The following CA14 variants were observed in gnomAD, a reference collection of about 807,000 sequenced individuals.
CA14 encodes the protein CA-XIV.
CA14 carries 44 observed loss-of-function variants against 48.8 expected under a neutral mutation model. That is an observed-to-expected ratio of 0.90 (90% CI 0.71 to 1.16). CA14 has a LOEUF of 1.16. CA14 is among the 50% of genes most tolerant of loss of function. The pLI, the probability that CA14 is intolerant of heterozygous loss-of-function variation, is 0.00. For missense variants in CA14, 386 were observed against 401.0 expected (o/e 0.96, Z 0.32); for synonymous variants, 154 against 155.0 (o/e 0.99, Z 0.05).
Position 150,260,169 on chromosome 1 carries a change from A to C in CA14, c.74A>C (p.Glu25Ala). The change falls in exon 2 of 11, where the codon GAG becomes GCG. Residue 25 changes from glutamate (E) to alanine (A), a missense_variant and splice_region_variant. Physicochemically the swap from Glu to Ala is moderately radical, Grantham distance 107 (BLOSUM62 -1). Coordinates refer to ENST00000369111, the MANE Select transcript of CA14 (RefSeq NM_012113.3). Reference sequence around the variant, plus strand: ...CTTGCAGGTCAACACTGGACGTATGAGGGTGAGCAGATCTCAAGGCCTCCC... The same window carrying C: ...CTTGCAGGTCAACACTGGACGTATGCGGGTGAGCAGATCTCAAGGCCTCCC... Reference protein sequence around the residue: ...AADGGQHWTYEGPHGQDHWPA... With the variant: ...AADGGQHWTYAGPHGQDHWPA... The C allele has an allele frequency of 6.2e-7, 1 of 1,613,906 alleles. No homozygotes were observed. Among genetic ancestry groups the C allele is most frequent in the African/African-American group, 1.3e-5 (1 of 75,036 alleles).
Position 150,263,368 on chromosome 1 carries a change from C to T in CA14, c.790C>T (p.Arg264Ter), listed in dbSNP as rs587602115. 2.8e-5 allele frequency: 45 copies of T among 1,614,170 alleles called. 1 individual carries two copies. The highest frequency in any genetic ancestry group is 1.2e-4 in the South Asian group (11 of 91,072). ...EPSKLLVQNY[R>*]ALQPLNQRMV... ...CTCTAAGCTTCTGGTACAGAACTAC[C>T]GAGCCCTTCAGCCTCTCAATCAGCG... is the stretch of plus-strand genomic sequence containing the variant. Residue 264 changes from arginine (R) to a stop codon, truncating the protein, a stop_gained, in exon 8 of 11, where the codon CGA becomes TGA. Transcript: ENST00000369111. LOFTEE classifies it high-confidence loss of function.
rs1454009588 is a variant in CA14 at position 150,262,149 on chromosome 1, T to G, written c.257-9T>G. 3 of 1,614,010 alleles carry G rather than the reference T, an allele frequency of 1.9e-6. No individual in the cohort carries two copies. Among genetic ancestry groups the G allele is most frequent in the Non-Finnish European group, 2.5e-6 (3 of 1,180,010 alleles). On this transcript the variant is annotated splice_polypyrimidine_tract_variant and intron_variant, in intron 3 of 10. Coordinates refer to ENST00000369111, the MANE Select transcript of CA14 (RefSeq NM_012113.3). ...CTCCACCAATCCGAGTTTGCTCTTTTCCTCACAGTGCAACTCTCTCTGCCC... is the reference window on the plus strand; with the variant it reads ...CTCCACCAATCCGAGTTTGCTCTTTGCCTCACAGTGCAACTCTCTCTGCCC...
rs111327001 is a variant in CA14, at chr1:150,258,058, C to T, written c.-71C>T. ...TCTCTCTCTCTCTCACTCCTCCCTC[C>T]CTCTCTCTCTGCCTGTCCTAGTCCT... On this transcript the variant is annotated 5_prime_UTR_variant, in exon 1 of 11. Transcript: ENST00000369111. The T allele has an allele frequency of 4.3e-6, 5 of 1,151,804 alleles. No homozygotes were observed. In the African/African-American group the frequency reaches 4.6e-5, roughly 11 times the overall value. The allele number at this position is 1,151,804 out of a possible 1,614,324, so 71.3% of individuals were successfully genotyped here.
chr1:150,262,450 A>G, intron 4 of CA14, 75 bp from the exon 5 acceptor site: 4 of 1,470,840 alleles, frequency 2.7e-6, no homozygotes, highest in Non-Finnish European at 3.8e-6. Context: ...CAGCGGGGGG[A>G]TGGTGGCAGC....
chr1:150,264,709 A>AG lies in CA14; in HGVS notation c.*52dup. 1 of 1,463,476 alleles carries AG rather than the reference A, an allele frequency of 6.8e-7. No homozygotes were observed. The highest frequency in any genetic ancestry group is 9.5e-7 in the Non-Finnish European group (1 of 1,050,688). 90.7% of individuals were successfully genotyped at this position (1,463,476 alleles called of 1,614,324 possible). On this transcript the variant is annotated 3_prime_UTR_variant, in exon 11 of 11. Transcript: ENST00000369111. Reference sequence around the variant, plus strand: ...TGGATGACTTCCCTTCATGCCTATCAGGAAGCCTCTAAAATGGGGTGTAGG... The same window carrying AG: ...TGGATGACTTCCCTTCATGCCTATCAGGGAAGCCTCTAAAATGGGGTGTAGG...
chr1:150,261,728 G>A, intron 3 of CA14, 90 bp downstream of exon 3: 1 of 1,218,046 alleles, frequency 8.2e-7, no homozygotes, highest in Non-Finnish European at 1.2e-6. Flanking sequence ...ATGATGGGGT[G>A]TTCCTGAGCA....
rs1572080818 is a variant in CA14, at chr1:150,264,996, G to C, written c.*337G>C. 1 of 190,040 alleles carries C rather than the reference G, an allele frequency of 5.3e-6. No homozygotes were observed. Among genetic ancestry groups the C allele is most frequent in the Admixed American group, 5.7e-5 (1 of 17,506 alleles). 11.8% of individuals were successfully genotyped at this position (190,040 alleles called of 1,614,324 possible). ...GGCCCTTTCCCTAGATATACTGCGG[G>C]ATCTCTCCTTAGGATAAAGAGTTGC... On this transcript the variant is annotated 3_prime_UTR_variant, in exon 11 of 11. Coordinates refer to ENST00000369111, the MANE Select transcript of CA14 (RefSeq NM_012113.3).
At chr1:150,261,378 GA>G in intron 2 of CA14, 80 bp from the exon 3 acceptor site, 1 of 1,290,072 alleles carries the variant, frequency 7.8e-7, no homozygotes, top group Non-Finnish European at 1.1e-6. Context: ...TTGGTTAGGG[GA>G]AGGGTCAAAG....
chr1:150,262,488 G>C (rs907134315), intron 4 of CA14, 37 bp from the exon 5 acceptor site: 1 of 1,561,144 alleles, frequency 6.4e-7, no homozygotes, highest in South Asian at 1.1e-5. Context: ...AGGGGGTGCA[G>C]ACATTCCATG....
Position 150,259,069 on chromosome 1 carries a change from G to A in CA14, c.55+886G>A, listed in dbSNP as rs1572059749. Among the ~76,000 whole-genome samples the A allele has an allele frequency of 2.6e-5, 4 of 152,230 alleles. No homozygotes were observed. In the East Asian group the frequency reaches 7.7e-4, roughly 29 times the overall value. On this transcript the variant is annotated intron_variant, in intron 1 of 10. Transcript: ENST00000369111. Reference sequence around the variant, plus strand: ...GTGTGTTGAGGCTCTGACCAGAGTGGACAGGCACCTTTACAGACCAGGGAG... The same window carrying A: ...GTGTGTTGAGGCTCTGACCAGAGTGAACAGGCACCTTTACAGACCAGGGAG...
chr1:150,260,448 G>T, intron 2 of CA14: 1 of 534,044 alleles, frequency 1.9e-6, no homozygotes, highest in Non-Finnish European at 3.4e-6. Flanking sequence ...AGCTGGGTGG[G>T]AACTCTGAGC....
At position 150,264,592 on chromosome 1, in the gene CA14, GGAA is replaced by G. The variant is rs782346389; in HGVS notation, c.953_955del (p.Lys318del). 3.1e-6 allele frequency: 5 copies of G among 1,595,954 alleles called. No homozygotes were observed. Among genetic ancestry groups the G allele is most frequent in the Admixed American group, 3.3e-5 (2 of 59,870 alleles). ...TTCTCATGAGCCATTCCCCTTTCCA[GGAA>G]GAAGAGGCTGGAAAACCGAAAGAGT... On this transcript the variant is annotated inframe_deletion and splice_region_variant, in exon 11 of 11. Coordinates refer to ENST00000369111, the MANE Select transcript of CA14 (RefSeq NM_012113.3).
intron 6 of CA14, 28 bp downstream of exon 6, chr1:150,262,898 G>GT (rs1651189449): frequency 1.3e-6 from 2 of 1,594,606 alleles, no homozygotes; most frequent in Non-Finnish European, 1.7e-6. Flanking sequence ...ATAGCAGGAA[G>GT]TAAGATTAGA....
chr1:150,262,909 CT>C, intron 6 of CA14, 39 bp downstream of exon 6: 1 of 1,586,496 alleles, frequency 6.3e-7, no homozygotes, highest in Non-Finnish European at 8.7e-7. Flanking sequence ...TAAGATTAGA[CT>C]TTCAAAAACT....
rs1553848691 is a variant in CA14 at position 150,263,867 on chromosome 1, T to C, written c.936T>C (p.Ala312=). The C allele has an allele frequency of 1.9e-6, 3 of 1,612,042 alleles. No homozygotes were observed. The highest frequency in any genetic ancestry group is 2.5e-6 in the Non-Finnish European group (3 of 1,178,566). ...TTCTCCTGGCTGTTTATTTCATTGC[T>C]AGAAAGATTCGGTGAGGCCCTACTT... ...LCLLLAVYFI[A]RKIRKKRLEN... is the part of the protein sequence containing the mutation. Residue 312 remains alanine, a synonymous_variant, in exon 10 of 11, where the codon GCT becomes GCC. Coordinates refer to ENST00000369111, the MANE Select transcript of CA14 (RefSeq NM_012113.3).
rs1553848631 is a variant in CA14, at chr1:150,263,783, A to C, written c.863-11A>C. 1.2e-6 allele frequency: 2 copies of C among 1,613,404 alleles called. No individual in the cohort carries two copies. The highest frequency in any genetic ancestry group is 1.1e-5 in the South Asian group (1 of 91,060). ...TCCTAGGCTGACACCTTTTACCTTT[A>C]TCTCCCCCAGGTGAAATGCTGAGTC... is the stretch of plus-strand genomic sequence containing the variant. On this transcript the variant is annotated splice_polypyrimidine_tract_variant and intron_variant, in intron 9 of 10. Transcript: ENST00000369111.
chr1:150,264,673 T>TGTGGATG lies in CA14; in HGVS notation c.*14_*15insGTGGATG, dbSNP rs1201378213. 4 of 1,608,220 alleles carry TGTGGATG rather than the reference T, an allele frequency of 2.5e-6. No homozygotes were observed. Among genetic ancestry groups the TGTGGATG allele is most frequent in the Non-Finnish European group, 3.4e-6 (4 of 1,175,536 alleles). Reference sequence around the variant, plus strand: ...ACTGAGGCATAAATTCCTTCTCAGATACCATGGATGTGGATGACTTCCCTT... The same window carrying TGTGGATG: ...ACTGAGGCATAAATTCCTTCTCAGATGTGGATGACCATGGATGTGGATGACTTCCCTT... On this transcript the variant is annotated 3_prime_UTR_variant, in exon 11 of 11. Transcript: ENST00000369111.
intron 2 of CA14, 24 bp from the exon 3 acceptor site, chr1:150,261,435 A>C (rs1651018522): frequency 6.2e-7 from 1 of 1,609,732 alleles, no homozygotes; most frequent in Non-Finnish European, 8.5e-7. Flanking sequence ...GGACAGGACC[A>C]ATGTCTTTGG....
intron 4 of CA14, 51 bp downstream of exon 4, chr1:150,262,351 G>C (rs782490835): frequency 2.3e-5 from 36 of 1,564,958 alleles, no homozygotes; most frequent in Middle Eastern, 1.7e-4. Context: ...GGGATGGGTG[G>C]TCCTGGGGAA....
Sources: allele counts gnomAD v4.1 joint callset (sites outside exome capture counted in the v4.1 genomes callset), GRCh38; gene constraint gnomAD v4.1.1; transcripts MANE v1.5; gene names NCBI Gene and HGNC (gene_info 2026-07-23, HGNC 2026-07-21).